The following FHIT variants were observed in gnomAD, a reference collection of about 807,000 sequenced individuals.
FHIT encodes the protein fragile histidine triad diadenosine triphosphatase, also known as bis(5'-adenosyl)-triphosphatase.
A neutral mutation model predicts 17.9 loss-of-function variants in FHIT; 19 were observed. The ratio of observed to expected loss-of-function variants is 1.06; its 90% confidence interval spans 0.74 to 1.56. The LOEUF (loss-of-function observed/expected upper bound fraction) is 1.56. FHIT is among the 40% of genes most tolerant of loss of function. The pLI, the probability that FHIT is intolerant of heterozygous loss-of-function variation, is 0.00. For synonymous variants in FHIT, 81 were observed against 69.7 expected (o/e 1.16, Z -0.81); for missense variants, 248 against 189.2 (o/e 1.31, Z -1.82).
intron 4 of FHIT, among the ~76,000 whole-genome samples, chr3:60,636,491 T>C (rs2039588751): frequency 6.6e-6 from 1 of 152,124 alleles, no homozygotes; most frequent in Non-Finnish European, 1.5e-5. Context: ...TAAATTCCTA[T>C]GGATGGACAC....
chr3:60,741,821 T>A (rs528316796), intron 4 of FHIT, among the ~76,000 whole-genome samples: 1 of 152,366 alleles, frequency 6.6e-6, no homozygotes, highest in Non-Finnish European at 1.5e-5. Flanking sequence ...AAACTGAATC[T>A]GTACTTTGAT....
intron 5 of FHIT, among the ~76,000 whole-genome samples, chr3:60,509,976 C>G (rs2034885858): frequency 6.6e-6 from 1 of 152,202 alleles, no homozygotes; most frequent in African/African-American, 2.4e-5. Flanking sequence ...GATACAAACC[C>G]TAGCAGCTTC....
intron 7 of FHIT, among the ~76,000 whole-genome samples, chr3:59,968,530 A>C (rs1559506672): frequency 6.6e-6 from 1 of 152,118 alleles, no homozygotes; most frequent in Non-Finnish European, 1.5e-5. Context: ...TCAAGAAATA[A>C]ACCTTCATCT....
chr3:60,248,654 CA>C (rs1311077450), intron 5 of FHIT, among the ~76,000 whole-genome samples: 4 of 151,880 alleles, frequency 2.6e-5, no homozygotes, highest in Non-Finnish European at 2.9e-5. Flanking sequence ...GATAGGGTGC[CA>C]AAAAACATTA....
chr3:60,294,102 G>C (rs949352565), intron 5 of FHIT, among the ~76,000 whole-genome samples: 1 of 152,030 alleles, frequency 6.6e-6, no homozygotes, highest in Non-Finnish European at 1.5e-5. Flanking sequence ...GTGTCTTCAG[G>C]GGTCGAAGAG....
At chr3:60,405,299 G>A (rs1701811783) in intron 5 of FHIT, among the ~76,000 whole-genome samples, 1 of 152,094 alleles carries the variant, frequency 6.6e-6, no homozygotes, top group African/African-American at 2.4e-5. Context: ...ACCTTTGAGT[G>A]GTGTCTTCAC....
At chr3:60,867,853 A>G (rs1488519688) in intron 3 of FHIT, among the ~76,000 whole-genome samples, 1 of 152,146 alleles carries the variant, frequency 6.6e-6, no homozygotes, top group African/African-American at 2.4e-5. Context: ...CATTAGCAAG[A>G]ACTAAACCTT....
intron 5 of FHIT, among the ~76,000 whole-genome samples, chr3:60,201,066 A>G (rs1702880181): frequency 6.6e-6 from 1 of 152,166 alleles, no homozygotes; most frequent in South Asian, 2.1e-4. Context: ...ACGTGGGTGG[A>G]AAGTACTCAG....
In FHIT at chr3:60,460,191, G is replaced by T. The variant is rs74433063; in HGVS notation, c.103+76669C>A. ...TTGAACTTTCCTCACTTACCTTTCG[G>T]GGGGCAAATCTGATGAGGACTTATT... On this transcript the variant is annotated intron_variant, in intron 5 of 9. Coordinates refer to ENST00000492590, the MANE Select transcript of FHIT (RefSeq NM_002012.4). Among the ~76,000 whole-genome samples, 524 of 152,186 alleles carry T rather than the reference G, an allele frequency of 3.4e-3. 2 individuals carry two copies. Among genetic ancestry groups the T allele is most frequent in the African/African-American group, 0.012 (504 of 41,540 alleles).
At chr3:60,956,878 G>A (rs923202968) in intron 3 of FHIT, among the ~76,000 whole-genome samples, 29 of 151,886 alleles carry the variant, frequency 1.9e-4, no homozygotes, top group Admixed American at 1.6e-3. Flanking sequence ...TACTGTCAGC[G>A]TCCTACAAAA....
At chr3:59,987,026 T>C (rs562232628) in intron 7 of FHIT, among the ~76,000 whole-genome samples, 13 of 108,406 alleles carry the variant, frequency 1.2e-4, no homozygotes, top group Admixed American at 3.9e-4. Flanking sequence ...AAAATAAAAA[T>C]ATAAAATATA....
intron 7 of FHIT, among the ~76,000 whole-genome samples, chr3:59,941,030 T>C (rs576587078): frequency 7.2e-4 from 109 of 152,322 alleles, no homozygotes; most frequent in African/African-American, 2.4e-3. Context: ...TGACTATGAC[T>C]AGCACTTAGT....
intron 5 of FHIT, among the ~76,000 whole-genome samples, chr3:60,180,304 C>A (rs1203383622): frequency 1.3e-5 from 2 of 152,128 alleles, no homozygotes; most frequent in African/African-American, 4.8e-5. Flanking sequence ...TGTGCTTATG[C>A]TGAAGTTATA....
chr3:61,040,297 C>T lies in FHIT; in HGVS notation c.-111+1750G>A, dbSNP rs115317597. ...TTCACAGACCCAGAGAATTCCTCCG[C>T]CTTATTTTGTTTTTTAAACATTGGA... On this transcript the variant is annotated intron_variant, in intron 3 of 9. Coordinates refer to ENST00000492590, the MANE Select transcript of FHIT (RefSeq NM_002012.4). Among the ~76,000 whole-genome samples, 1,367 of 152,244 alleles carry T rather than the reference C, an allele frequency of 9.0e-3. 26 individuals carry two copies. The highest frequency in any genetic ancestry group is 0.031 in the African/African-American group (1,304 of 41,552).
intron 2 of FHIT, among the ~76,000 whole-genome samples, chr3:61,076,175 C>A (rs1372277980): frequency 6.6e-6 from 1 of 152,166 alleles, no homozygotes; most frequent in Admixed American, 6.5e-5. Context: ...GCGATATCAA[C>A]CCCTACCAGC....
chr3:59,956,599 G>T (rs891206058), intron 7 of FHIT, among the ~76,000 whole-genome samples: 1 of 152,022 alleles, frequency 6.6e-6, no homozygotes, highest in Non-Finnish European at 1.5e-5. Flanking sequence ...ACCCGGGAGG[G>T]AGAGGTTACC....
intron 3 of FHIT, among the ~76,000 whole-genome samples, chr3:60,966,722 T>C (rs993108234): frequency 6.6e-6 from 1 of 152,236 alleles, no homozygotes; most frequent in Admixed American, 6.5e-5. Flanking sequence ...TGCAAGGGTA[T>C]CAATTAAGAG....
intron 5 of FHIT, among the ~76,000 whole-genome samples, chr3:60,497,172 C>G (rs547887303): frequency 2.0e-5 from 3 of 151,928 alleles, no homozygotes; most frequent in Non-Finnish European, 4.4e-5. Context: ...TAAACACTTA[C>G]AGTGCACAGG....
At chr3:61,205,525 G>A (rs1242508227) in intron 1 of FHIT, among the ~76,000 whole-genome samples, 4 of 152,180 alleles carry the variant, frequency 2.6e-5, no homozygotes, top group South Asian at 2.1e-4. Context: ...TAACTGGTGT[G>A]AGATGGTATC....
Sources: allele counts gnomAD v4.1 joint callset (sites outside exome capture counted in the v4.1 genomes callset), GRCh38; gene constraint gnomAD v4.1.1; transcripts MANE v1.5; gene names NCBI Gene and HGNC (gene_info 2026-07-23, HGNC 2026-07-21).